Variants in SYT1 observed in about 807,000 individuals in gnomAD.
SYT1 encodes the protein synaptotagmin 1.
Under a neutral mutation model 44.8 loss-of-function variants are expected in SYT1, and 8 were observed. The ratio of observed to expected loss-of-function variants is 0.18; its 90% CI spans 0.10 to 0.32. The LOEUF (loss-of-function observed/expected upper bound fraction) is 0.32. Among genes scored for constraint, SYT1 ranks in the 10% least tolerant of loss-of-function variants. The pLI is 1.00. For synonymous variants in SYT1, 154 were observed against 188.8 expected, an observed-to-expected ratio of 0.82 and a Z score of 1.51; for missense variants, 286 against 509.3, an observed-to-expected ratio of 0.56 and a Z score of 4.22.
chr12:79,214,355 A>G (rs1303088768), intron 3 of SYT1, among the ~76,000 whole-genome samples: 2 of 152,166 alleles, frequency 1.3e-5, no homozygotes, highest in Non-Finnish European at 2.9e-5. Context: ...ACACCTTCCA[A>G]GGGTATTTTA....
chr12:79,030,331 A>G (rs193107051), intron 2 of SYT1, among the ~76,000 whole-genome samples: 56 of 150,898 alleles, frequency 3.7e-4, no homozygotes, highest in Non-Finnish European at 7.0e-4. Context: ...TCTCCTTCCC[A>G]TACTTACCTT....
chr12:78,955,903 C>G (rs1207707462), intron 1 of SYT1, among the ~76,000 whole-genome samples: 1 of 150,898 alleles, frequency 6.6e-6, no homozygotes, highest in Non-Finnish European at 1.5e-5. Context: ...TTGCATTTTC[C>G]CCTATCTTTT....
At chr12:78,956,009 T>C (rs142262476) in intron 1 of SYT1, among the ~76,000 whole-genome samples, 1 of 151,978 alleles carries the variant, frequency 6.6e-6, no homozygotes, top group African/African-American at 2.4e-5. Flanking sequence ...GAGGTCAAGG[T>C]GTGTGGGTAA....
intron 2 of SYT1, among the ~76,000 whole-genome samples, 195 bp from the exon 3 acceptor site, chr12:79,047,102 C>T (rs1462966150): frequency 6.6e-6 from 1 of 151,642 alleles, no homozygotes; most frequent in Non-Finnish European, 1.5e-5. Flanking sequence ...ATCTCTAGCT[C>T]ATCAAACAAC....
intron 2 of SYT1, among the ~76,000 whole-genome samples, chr12:79,004,873 T>C (rs1034344514): frequency 6.6e-6 from 1 of 152,048 alleles, no homozygotes; most frequent in African/African-American, 2.4e-5. Context: ...TAAGATCCTT[T>C]CTATTAAACA....
intron 2 of SYT1, among the ~76,000 whole-genome samples, chr12:79,039,327 T>C (rs554249660): frequency 1.2e-4 from 19 of 152,182 alleles, no homozygotes; most frequent in Admixed American, 2.6e-4. Flanking sequence ...TTTAAAAGTA[T>C]TGTACAAAAA....
rs5799432 is a variant in SYT1, at chr12:79,410,506, C to CAAAAAA, written c.929-33550_929-33545dup. Among the ~76,000 whole-genome samples, 286 of 75,772 alleles carry CAAAAAA rather than the reference C, an allele frequency of 3.8e-3. 1 individual carries two copies. Among genetic ancestry groups the CAAAAAA allele is most frequent in the African/African-American group, 4.9e-3 (85 of 17,498 alleles). The allele number at this position is 75,772 out of a possible 152,430, so 49.7% of individuals were successfully genotyped here. The stretch of plus-strand genomic sequence containing the variant: ...ACCATGGCTTCAGGCTGTTCAAAGT[C>CAAAAAA]AAAAAAAAAAAAAAAAAAAAAACAG... On this transcript the variant is annotated intron_variant, in intron 9 of 10. Coordinates refer to ENST00000261205, the MANE Select transcript of SYT1 (RefSeq NM_005639.3).
chr12:78,911,451 T>G (rs1331281078), intron 1 of SYT1, among the ~76,000 whole-genome samples: 2 of 151,854 alleles, frequency 1.3e-5, no homozygotes, highest in Admixed American at 1.3e-4. Context: ...CAACATTTCA[T>G]GTCTATGTAC....
At chr12:79,308,267 G>A (rs888511750) in intron 8 of SYT1, among the ~76,000 whole-genome samples, 1 of 152,166 alleles carries the variant, frequency 6.6e-6, no homozygotes, top group African/African-American at 2.4e-5. Flanking sequence ...GCTCACGCCT[G>A]TAATCCCAGC....
intron 2 of SYT1, among the ~76,000 whole-genome samples, chr12:79,038,475 T>G (rs1477021742): frequency 2.0e-5 from 3 of 151,876 alleles, no homozygotes; most frequent in African/African-American, 7.2e-5. Context: ...AATAATGATC[T>G]GGACAGTGTC....
rs189690086 is a variant in SYT1, at chr12:79,233,257, C to T, written c.166+15572C>T. On this transcript the variant is annotated intron_variant, in intron 4 of 10. Transcript: ENST00000261205. The stretch of plus-strand genomic sequence containing the variant: ...CTTCATCTTTTTGTTTTAAAAATAA[C>T]GAATTGTATTGAAATGTCCAGAAAA... Among the ~76,000 whole-genome samples, 52 of 152,224 alleles carry T rather than the reference C, an allele frequency of 3.4e-4. 2 individuals are homozygous for T. The highest frequency in any genetic ancestry group is 1.2e-3 in the Admixed American group (18 of 15,290).
chr12:79,426,121 G>T (rs1405800175), intron 9 of SYT1, among the ~76,000 whole-genome samples: 2 of 151,588 alleles, frequency 1.3e-5, no homozygotes. Context: ...CAGACTTGGA[G>T]TCCTAATCAC....
chr12:78,953,044 A>T (rs777260818), intron 1 of SYT1, among the ~76,000 whole-genome samples: 15 of 152,070 alleles, frequency 9.9e-5, no homozygotes, highest in Non-Finnish European at 1.9e-4. Context: ...CTTCATCCCC[A>T]TAGGCTCCTT....
At chr12:79,092,084 T>G (rs1050313622) in intron 3 of SYT1, among the ~76,000 whole-genome samples, 6 of 151,888 alleles carry the variant, frequency 4.0e-5, no homozygotes, top group Admixed American at 3.9e-4. Context: ...GAGTGAATAC[T>G]TCTCTTCTCA....
At chr12:78,920,932 A>C (rs1876950509) in intron 1 of SYT1, among the ~76,000 whole-genome samples, 1 of 151,922 alleles carries the variant, frequency 6.6e-6, no homozygotes. Flanking sequence ...AGTCCTCAGC[A>C]GTCAGACTTG....
chr12:78,886,995 A>T (rs538736266), intron 1 of SYT1, among the ~76,000 whole-genome samples: 177 of 152,146 alleles, frequency 1.2e-3, no homozygotes, highest in Admixed American at 2.3e-3. Flanking sequence ...GATTAAGGAA[A>T]TAATGGTATC....
chr12:78,985,826 A>G (rs1250352405), intron 2 of SYT1, among the ~76,000 whole-genome samples: 3 of 152,016 alleles, frequency 2.0e-5, no homozygotes, highest in Non-Finnish European at 2.9e-5. Flanking sequence ...ATTTAAATCA[A>G]CAAAAGAAGC....
chr12:79,347,210 A>G (rs187077927), intron 8 of SYT1, among the ~76,000 whole-genome samples: 89 of 152,140 alleles, frequency 5.8e-4, no homozygotes, highest in African/African-American at 1.8e-3. Flanking sequence ...AAACTTCCCA[A>G]TCTTTGTACC....
intron 2 of SYT1, among the ~76,000 whole-genome samples, chr12:79,042,001 T>C (rs1029282564): frequency 3.8e-4 from 58 of 151,972 alleles, no homozygotes; most frequent in African/African-American, 5.3e-4. Flanking sequence ...GATAAGCTTT[T>C]TGATGTGCTG....
Sources: allele counts gnomAD v4.1 joint callset (sites outside exome capture counted in the v4.1 genomes callset), GRCh38; gene constraint gnomAD v4.1.1; transcripts MANE v1.5; gene names NCBI Gene and HGNC (gene_info 2026-07-23, HGNC 2026-07-21).